ZNF438: variants seen among roughly 807,000 people sequenced by gnomAD.
ZNF438 encodes zinc finger protein 438.
A neutral mutation model predicts 38.0 loss-of-function variants in ZNF438; 25 were observed. The ratio of observed to expected loss-of-function variants is 0.66; its 90% confidence interval spans 0.48 to 0.92. ZNF438 has a LOEUF of 0.92. ZNF438 is among the 40% of genes least tolerant of loss of function. ZNF438 has a pLI of 0.00. For missense variants in ZNF438, 1,007 were observed against 999.6 expected (o/e 1.01, Z -0.10); for synonymous variants, 372 against 364.1 (o/e 1.02, Z -0.25).
chr10:31,023,801 T>G (rs1344197945), intron 1 of ZNF438, among the ~76,000 whole-genome samples: 1 of 152,188 alleles, frequency 6.6e-6, no homozygotes, highest in Non-Finnish European at 1.5e-5. Flanking sequence ...GTACCTTTGC[T>G]CCTCAAAGCC....
chr10:30,914,165 C>T (rs1244806053), intron 2 of ZNF438, among the ~76,000 whole-genome samples: 2 of 151,810 alleles, frequency 1.3e-5, no homozygotes, highest in African/African-American at 4.8e-5. Flanking sequence ...ATATTAATTT[C>T]GAGACAATCT....
exon 6 of ZNF438, chr10:30,845,223 T>C: frequency 6.2e-7 from 1 of 1,614,166 alleles, no homozygotes; most frequent in Non-Finnish European, 8.5e-7. Flanking sequence ...TCCTTCATTT[T>C]CCATGAGCAT....
chr10:30,959,783 G>C (rs1038087124), intron 1 of ZNF438, among the ~76,000 whole-genome samples: 1 of 146,116 alleles, frequency 6.8e-6, no homozygotes, highest in Non-Finnish European at 1.6e-5. Context: ...ACACATACCT[G>C]ATTCATTCTG....
chr10:30,876,802 G>A (rs558291083), intron 4 of ZNF438, among the ~76,000 whole-genome samples, 196 bp downstream of exon 5: 2 of 152,236 alleles, frequency 1.3e-5, no homozygotes, highest in Admixed American at 1.3e-4. Context: ...CTATAAAGGA[G>A]ACAGGTCCTT....
chr10:31,005,435 G>T (rs1021847268), intron 1 of ZNF438, among the ~76,000 whole-genome samples: 1 of 151,994 alleles, frequency 6.6e-6, no homozygotes, highest in African/African-American at 2.4e-5. Context: ...CTTATATGTG[G>T]AATCTTAAAA....
intron 1 of ZNF438, among the ~76,000 whole-genome samples, chr10:30,967,950 T>C (rs1231900109): frequency 6.6e-6 from 1 of 152,174 alleles, no homozygotes; most frequent in African/African-American, 2.4e-5. Context: ...GTCCTGCTGC[T>C]GCCCAGTTAT....
At chr10:30,859,149 C>T (rs907282003) in intron 4 of ZNF438, among the ~76,000 whole-genome samples, 7 of 152,268 alleles carry the variant, frequency 4.6e-5, no homozygotes, top group African/African-American at 1.7e-4. Flanking sequence ...GGTGTAATCA[C>T]GGCTCACTGC....
rs187976302 is a variant in ZNF438, at chr10:30,926,184, T to G, written c.-115+15391A>C. Among the ~76,000 whole-genome samples the G allele has an allele frequency of 2.0e-5, 3 of 152,350 alleles. No homozygotes were observed. The East Asian group carries it at 5.8e-4, about 29-fold the overall frequency. On this transcript the variant is annotated intron_variant, in intron 2 of 5. Coordinates refer to ENST00000413025, the Ensembl canonical transcript of ZNF438. ...CCATCTTGGGCAATGGAATGTCTGA[T>G]ATCATATTTTGGGTAGTAGTTACAC...
chr10:30,920,876 A>C (rs1392035617), intron 2 of ZNF438: 3 of 152,212 alleles, frequency 2.0e-5, no homozygotes, highest in Non-Finnish European at 4.4e-5. Context: ...GCTTCTCAAA[A>C]AGGATTATAT....
chr10:30,877,468 A>G (rs2038601518), intron 3 of ZNF438, among the ~76,000 whole-genome samples: 1 of 152,248 alleles, frequency 6.6e-6, no homozygotes, highest in South Asian at 2.1e-4. Context: ...ATTTGATGAA[A>G]TATAACTCAG....
At chr10:30,907,126 C>T (rs1327147425) in intron 3 of ZNF438, among the ~76,000 whole-genome samples, 2 of 152,208 alleles carry the variant, frequency 1.3e-5, no homozygotes, top group Non-Finnish European at 2.9e-5. Flanking sequence ...AGGCATTCGC[C>T]ACCACGCCCA....
chr10:31,032,198 G>C (rs888092753), upstream of ZNF438, among the ~76,000 whole-genome samples: 1 of 152,220 alleles, frequency 6.6e-6, no homozygotes, highest in African/African-American at 2.4e-5. Flanking sequence ...ACAAGCTGTC[G>C]CCCTGGGGGC....
At chr10:30,928,062 T>C (rs1195461651) in intron 2 of ZNF438, among the ~76,000 whole-genome samples, 4 of 152,198 alleles carry the variant, frequency 2.6e-5, no homozygotes, top group Non-Finnish European at 5.9e-5. Flanking sequence ...GTAACCTTTT[T>C]TTCAGTGGGA....
At chr10:31,029,024 C>A (rs987571708) in intron 1 of ZNF438, among the ~76,000 whole-genome samples, 1 of 152,158 alleles carries the variant, frequency 6.6e-6, no homozygotes, top group Admixed American at 6.5e-5. Context: ...CAACCCTGAC[C>A]ACTCCCCTGA....
At chr10:30,850,734 C>T (rs556082518) in intron 4 of ZNF438, among the ~76,000 whole-genome samples, 2 of 152,338 alleles carry the variant, frequency 1.3e-5, no homozygotes, top group African/African-American at 4.8e-5. Flanking sequence ...CACTCATCTT[C>T]ACATGATGTC....
chr10:30,963,773 C>A (rs143735554), intron 1 of ZNF438, among the ~76,000 whole-genome samples: 2 of 151,792 alleles, frequency 1.3e-5, no homozygotes, highest in African/African-American at 2.4e-5. Flanking sequence ...CCCAGCTAAT[C>A]GGGAGGCTGA....
At chr10:30,961,242 A>T (rs1325290300) in intron 1 of ZNF438, among the ~76,000 whole-genome samples, 691 of 27,806 alleles carry the variant, frequency 0.025, 31 homozygotes, top group African/African-American at 0.074. Context: ...TATAATAAAT[A>T]AAAAAAAAAA....
intron 3 of ZNF438, among the ~76,000 whole-genome samples, chr10:30,898,638 CTTAG>C (rs745580979): frequency 1.3e-5 from 2 of 151,960 alleles, no homozygotes; most frequent in African/African-American, 4.8e-5. Context: ...GGGGGGAACG[CTTAG>C]TTAGATTCCA....
chr10:30,852,928 T>C (rs2033938174), intron 4 of ZNF438, among the ~76,000 whole-genome samples: 1 of 152,206 alleles, frequency 6.6e-6, no homozygotes, highest in African/African-American at 2.4e-5. Flanking sequence ...TCATAGCCTT[T>C]AAATTTAAAT....
Sources: allele counts gnomAD v4.1 joint callset (sites outside exome capture counted in the v4.1 genomes callset), GRCh38; gene constraint gnomAD v4.1.1; transcripts MANE v1.5; gene names NCBI Gene and HGNC (gene_info 2026-07-23, HGNC 2026-07-21).